The following PCSK6 variants were observed in gnomAD, a reference collection of about 807,000 sequenced individuals.
The protein encoded by PCSK6 is paired basic amino acid cleaving enzyme 4.
A neutral mutation model predicts 123.3 loss-of-function variants in PCSK6; 85 were observed. The ratio of observed to expected loss-of-function variants is 0.69; its 90% CI spans 0.58 to 0.83. PCSK6 has a LOEUF of 0.83. Ranked by LOEUF, PCSK6 falls within the 40% of genes least tolerant of loss-of-function variation. The probability of loss-of-function intolerance (pLI) is 0.00; values close to 1 mark genes in which losing one functional copy is unlikely to be tolerated. For missense variants in PCSK6, 1,191 were observed against 1,282.3 expected, an observed-to-expected ratio of 0.93 and a Z score of 1.09; for synonymous variants, 508 against 516.0, an observed-to-expected ratio of 0.98 and a Z score of 0.21.
At chr15:101,315,577 A>G (rs2039971608) in intron 19 of PCSK6, among the ~76,000 whole-genome samples, 3 of 152,274 alleles carry the variant, frequency 2.0e-5, no homozygotes, top group Admixed American at 1.3e-4. Context: ...ACAGGGACTA[A>G]AACAGAAAGC....
intron 1 of PCSK6, among the ~76,000 whole-genome samples, chr15:101,474,456 T>A (rs1002530940): frequency 6.6e-6 from 1 of 152,206 alleles, no homozygotes; most frequent in African/African-American, 2.4e-5. Context: ...CCCATCTTTA[T>A]AACTTAGCAC....
At chr15:101,370,591 C>T in intron 11 of PCSK6, 68 bp from the exon 12 acceptor site, 1 of 1,352,972 alleles carries the variant, frequency 7.4e-7, no homozygotes, top group South Asian at 1.8e-5. Context: ...CAGCCAGGAG[C>T]TCCAGCGCCC....
intron 1 of PCSK6, among the ~76,000 whole-genome samples, chr15:101,450,397 A>G (rs1258049646): frequency 2.0e-5 from 3 of 150,526 alleles, no homozygotes; most frequent in Admixed American, 1.3e-4. Context: ...CTCAACTCCT[A>G]CTCTGCTTTT....
intron 13 of PCSK6, among the ~76,000 whole-genome samples, chr15:101,350,461 A>C (rs953822183): frequency 1.8e-4 from 28 of 152,334 alleles, no homozygotes; most frequent in Admixed American, 1.4e-3. Flanking sequence ...TTTTTATGCC[A>C]AATATTACTT....
At chr15:101,480,485 AG>A (rs1213504653) in intron 1 of PCSK6, among the ~76,000 whole-genome samples, 9 of 152,212 alleles carry the variant, frequency 5.9e-5, no homozygotes, top group African/African-American at 2.2e-4. Context: ...TGGGAACCCT[AG>A]GCTGCTGATC....
intron 11 of PCSK6, among the ~76,000 whole-genome samples, chr15:101,372,785 C>T (rs532744527): frequency 1.1e-3 from 169 of 152,364 alleles, no homozygotes; most frequent in Non-Finnish European, 2.0e-3. Context: ...TAACCCTACA[C>T]TCTCACACTT....
At chr15:101,366,991 TGAC>T (rs1246890912) in intron 12 of PCSK6, among the ~76,000 whole-genome samples, 1 of 152,088 alleles carries the variant, frequency 6.6e-6, no homozygotes, top group Non-Finnish European at 1.5e-5. Flanking sequence ...TTGAGGGAGA[TGAC>T]AATGGCAGGG....
At chr15:101,406,231 C>T (rs946385132) in intron 6 of PCSK6, among the ~76,000 whole-genome samples, 8 of 152,002 alleles carry the variant, frequency 5.3e-5, no homozygotes, top group Admixed American at 1.3e-4. Context: ...CACACACACA[C>T]GCACACATGC....
intron 13 of PCSK6, chr15:101,336,844 G>A (rs1272297183): frequency 1.3e-5 from 2 of 152,188 alleles, no homozygotes; most frequent in African/African-American, 2.4e-5. Context: ...CTGAGAGCTG[G>A]GAGCTCCAAA....
Position 101,331,983 on chromosome 15 carries a change from G to T in PCSK6, c.1907C>A (p.Pro636Gln). ...SLILYGTAEH[P>Q]YHTFSAHQSR... ...CTGATGGGCACTGAAGGTGTGGTAC[G>T]GGTGCTCTGCTGTGCCATACAGTAT... The change falls in exon 14 of 22, where the codon CCG (proline) becomes CAG (glutamine). Residue 636 changes from proline (P) to glutamine (Q), a missense_variant. Transcript: ENST00000611716. 6.2e-7 allele frequency: 1 copy of T among 1,613,542 alleles called. No homozygotes were observed. The highest frequency in any genetic ancestry group is 1.1e-5 in the South Asian group (1 of 91,000).
At chr15:101,461,791 C>T (rs1318438695) in intron 1 of PCSK6, among the ~76,000 whole-genome samples, 1 of 152,072 alleles carries the variant, frequency 6.6e-6, no homozygotes, top group African/African-American at 2.4e-5. Flanking sequence ...AAACTCTTAG[C>T]AAATTAAAAC....
chr15:101,371,814 T>C (rs562834866), intron 11 of PCSK6, among the ~76,000 whole-genome samples: 1 of 152,326 alleles, frequency 6.6e-6, no homozygotes, highest in Non-Finnish European at 1.5e-5. Flanking sequence ...CCTCTCATGC[T>C]GATCGAGGGT....
intron 2 of PCSK6, among the ~76,000 whole-genome samples, chr15:101,438,354 A>G (rs2056661399): frequency 6.6e-6 from 1 of 152,260 alleles, no homozygotes; most frequent in Non-Finnish European, 1.5e-5. Context: ...TTACTTCTAA[A>G]GTATTTACAT....
chr15:101,467,842 C>T (rs919471129), intron 1 of PCSK6, among the ~76,000 whole-genome samples: 4 of 152,164 alleles, frequency 2.6e-5, no homozygotes, highest in East Asian at 1.9e-4. Context: ...AGCACATCTA[C>T]GCCGGAGATA....
chr15:101,397,639 C>T (rs564713891), intron 7 of PCSK6, among the ~76,000 whole-genome samples: 12 of 152,318 alleles, frequency 7.9e-5, no homozygotes, highest in Middle Eastern at 3.4e-3. Flanking sequence ...GCCTCCTGGA[C>T]GCTGACCACA....
chr15:101,304,252 C>CAGGTTT lies in PCSK6; in HGVS notation c.*1000_*1005dup, dbSNP rs1191079641. 6.6e-6 allele frequency: 1 copy of CAGGTTT among 152,536 alleles called. No homozygotes were observed. The highest frequency in any genetic ancestry group is 1.5e-5 in the Non-Finnish European group (1 of 68,032). 9.4% of individuals were successfully genotyped at this position (152,536 alleles called of 1,614,324 possible). A position where few individuals can be genotyped will look rare whatever the true frequency, so the allele number is the denominator to read the frequency against. On this transcript the variant is annotated 3_prime_UTR_variant, in exon 22 of 22. Transcript: ENST00000611716. ...ACATGTAGCTTATAAAATGCCTACA[C>CAGGTTT]AGGTTTGGCAGAATAAATCCAACTG...
chr15:101,464,468 C>T (rs904259875), intron 1 of PCSK6, among the ~76,000 whole-genome samples: 3 of 152,162 alleles, frequency 2.0e-5, no homozygotes, highest in Admixed American at 2.0e-4. Context: ...TAATAAAAAC[C>T]AATCGCTGAT....
chr15:101,313,291 T>C, intron 20 of PCSK6, 85 bp downstream of exon 20: 1 of 1,607,452 alleles, frequency 6.2e-7, no homozygotes, highest in Non-Finnish European at 8.5e-7. Context: ...CCCCGGCCCC[T>C]GGGGAAGATG....
chr15:101,318,414 C>T lies in PCSK6; in HGVS notation c.2474G>A (p.Arg825Gln), dbSNP rs1214006130. The T allele has an allele frequency of 5.8e-6, 9 of 1,557,526 alleles. No individual in the cohort carries two copies. In the East Asian group the frequency reaches 7.2e-5, roughly 13 times the overall value. The stretch of plus-strand genomic sequence containing the variant: ...CTCACAGTCAGGAATGCAGCTGCCC[C>T]GTGCAAGGCTGTTGAAAAGAAAGAG... ...TVCKEGFSLA[R>Q]GSCIPDCEPG... The change falls in exon 19 of 22, where the codon CGG becomes CAG. Residue 825 changes from arginine (R) to glutamine (Q), a missense_variant. Arg to Gln is a conservative substitution (Grantham distance 43). Transcript: ENST00000611716.
Sources: allele counts gnomAD v4.1 joint callset (sites outside exome capture counted in the v4.1 genomes callset), GRCh38; gene constraint gnomAD v4.1.1; transcripts MANE v1.5; gene names NCBI Gene and HGNC (gene_info 2026-07-23, HGNC 2026-07-21).